Variants in BNC2 observed in about 807,000 individuals in gnomAD.
BNC2 encodes the protein zinc finger protein basonuclin-2.
In BNC2, 20 loss-of-function variants were observed where a neutral mutation model predicts 76.3. The ratio of observed to expected loss-of-function variants is 0.26; its 90% CI spans 0.18 to 0.38. BNC2 has a LOEUF of 0.38. BNC2 is among the 10% of genes least tolerant of loss of function. BNC2 has a pLI of 1.00. For synonymous variants in BNC2, 582 were observed against 514.8 expected (o/e 1.13, Z -1.77); for missense variants, 1,382 against 1,399.8 (o/e 0.99, Z 0.20).
intron 3 of BNC2, among the ~76,000 whole-genome samples, chr9:16,670,731 G>A (rs957363542): frequency 1.3e-5 from 2 of 152,160 alleles, no homozygotes; most frequent in Admixed American, 6.6e-5. Flanking sequence ...TGATGGTAAA[G>A]GTATACGTGA....
intron 2 of BNC2, among the ~76,000 whole-genome samples, chr9:16,731,856 G>C (rs986369389): frequency 9.9e-5 from 15 of 152,022 alleles, no homozygotes; most frequent in Non-Finnish European, 1.8e-4. Flanking sequence ...CCATGTTTTG[G>C]ATAGTAATTA....
At chr9:16,603,464 A>G (rs1485704471) in intron 3 of BNC2, among the ~76,000 whole-genome samples, 1 of 152,226 alleles carries the variant, frequency 6.6e-6, no homozygotes, top group African/African-American at 2.4e-5. Context: ...TCACCCTAAC[A>G]TCACACACCA....
chr9:16,801,232 A>G (rs146808810), intron 1 of BNC2, among the ~76,000 whole-genome samples: 36 of 152,110 alleles, frequency 2.4e-4, no homozygotes, highest in African/African-American at 8.4e-4. Context: ...TACTATTGAT[A>G]ATACATTCAT....
At chr9:16,637,546 G>C (rs1025367984) in intron 3 of BNC2, among the ~76,000 whole-genome samples, 2 of 152,124 alleles carry the variant, frequency 1.3e-5, no homozygotes, top group African/African-American at 4.8e-5. Flanking sequence ...AATAAACTCT[G>C]GCTTTATCAT....
At chr9:16,626,936 T>A (rs1291792497) in intron 3 of BNC2, among the ~76,000 whole-genome samples, 1 of 152,140 alleles carries the variant, frequency 6.6e-6, no homozygotes, top group Non-Finnish European at 1.5e-5. Context: ...CTGCCGCTTG[T>A]TTACCAAACA....
At chr9:16,781,103 A>G (rs951467010) in intron 1 of BNC2, among the ~76,000 whole-genome samples, 1 of 152,030 alleles carries the variant, frequency 6.6e-6, no homozygotes, top group Non-Finnish European at 1.5e-5. Flanking sequence ...AATGGGATCT[A>G]ATTGTTTCAT....
chr9:16,571,515 G>C lies in BNC2; in HGVS notation c.433+11468C>G, dbSNP rs185932499. 2.0e-5 allele frequency among the ~76,000 whole-genome samples: 3 copies of C among 152,118 alleles called. No homozygotes were observed. The East Asian group carries it at 5.8e-4, about 29-fold the overall frequency. The stretch of plus-strand genomic sequence containing the variant: ...CAGAACCACACAGCCGTTGCTTGCT[G>C]CCTGCAGTTTTTTTCCTTTGCAAAA... On this transcript the variant is annotated intron_variant, in intron 4 of 6. Transcript: ENST00000380672.
intron 5 of BNC2, among the ~76,000 whole-genome samples, chr9:16,451,011 C>G (rs1178319184): frequency 6.6e-6 from 1 of 152,184 alleles, no homozygotes; most frequent in Non-Finnish European, 1.5e-5. Flanking sequence ...ATTTAACTAT[C>G]TAGGCTATCT....
intron 1 of BNC2, among the ~76,000 whole-genome samples, chr9:16,757,533 ACTT>A (rs1407397269): frequency 6.6e-6 from 1 of 152,228 alleles, no homozygotes; most frequent in Non-Finnish European, 1.5e-5. Flanking sequence ...GTTTGGAGAT[ACTT>A]CTTAAGACCT....
intron 5 of BNC2, among the ~76,000 whole-genome samples, chr9:16,469,289 ATGT>A (rs1021647756): frequency 2.4e-4 from 36 of 152,164 alleles, no homozygotes; most frequent in African/African-American, 8.2e-4. Flanking sequence ...GAATTCCCAC[ATGT>A]TGTAGGAAGG....
intron 1 of BNC2, among the ~76,000 whole-genome samples, chr9:16,810,409 C>A (rs775112136): frequency 6.6e-6 from 1 of 152,190 alleles, no homozygotes; most frequent in Non-Finnish European, 1.5e-5. Context: ...ATACCCACAG[C>A]CTAAATAGGG....
intron 4 of BNC2, among the ~76,000 whole-genome samples, chr9:16,568,668 CTT>C (rs1310114758): frequency 6.6e-6 from 1 of 152,096 alleles, no homozygotes; most frequent in Non-Finnish European, 1.5e-5. Flanking sequence ...AAGGCAAAGA[CTT>C]AGTCTACTCT....
intron 5 of BNC2, among the ~76,000 whole-genome samples, chr9:16,453,989 C>G (rs1490126524): frequency 6.6e-6 from 1 of 152,176 alleles, no homozygotes; most frequent in Non-Finnish European, 1.5e-5. Flanking sequence ...ACACTATATA[C>G]TCCCACCACC....
intron 5 of BNC2, among the ~76,000 whole-genome samples, chr9:16,515,717 GA>G (rs748663886): frequency 3.3e-3 from 339 of 101,894 alleles, no homozygotes; most frequent in African/African-American, 9.1e-3. Flanking sequence ...GGTACAATTT[GA>G]AAAAAAAAAA....
At chr9:16,812,569 C>T (rs1186204704) in intron 1 of BNC2, among the ~76,000 whole-genome samples, 14 of 152,164 alleles carry the variant, frequency 9.2e-5, no homozygotes, top group Admixed American at 9.2e-4. Context: ...TTACTTCACA[C>T]CAGGGGGAAG....
In BNC2 at chr9:16,418,708, G is replaced by T; in HGVS notation, c.*281C>A. On this transcript the variant is annotated 3_prime_UTR_variant, in exon 7 of 7. Transcript: ENST00000380672. ...TGTGTGTGTATGTGCATGTGTGTGT[G>T]TGTGTGTTTAAAGGGGTACTCTGTT... 1 of 425,612 alleles carries T rather than the reference G, an allele frequency of 2.3e-6. No individual in the cohort carries two copies. The highest frequency in any genetic ancestry group is 5.3e-5 in the East Asian group (1 of 18,988). The allele number at this position is 425,612 out of a possible 1,614,324, so 26.4% of individuals were successfully genotyped here.
Position 16,422,362 on chromosome 9 carries a change from C to T in BNC2, c.2640-2713G>A, listed in dbSNP as rs148220465. On this transcript the variant is annotated intron_variant, in intron 6 of 6. Coordinates refer to ENST00000380672, the MANE Select transcript of BNC2 (RefSeq NM_017637.6). ...ACTTTTATTCAATTAAGTGCCATCCCTCACTTTAAAAAAAACAGCTACTTT... is the reference window on the plus strand; with the variant it reads ...ACTTTTATTCAATTAAGTGCCATCCTTCACTTTAAAAAAAACAGCTACTTT... 2.7e-3 allele frequency among the ~76,000 whole-genome samples: 413 copies of T among 152,188 alleles called. 1 individual carries two copies. Among genetic ancestry groups the T allele is most frequent in the African/African-American group, 9.2e-3 (382 of 41,518 alleles).
chr9:16,554,223 T>C (rs746098776), intron 4 of BNC2, among the ~76,000 whole-genome samples: 7 of 152,204 alleles, frequency 4.6e-5, no homozygotes, highest in Non-Finnish European at 7.3e-5. Flanking sequence ...CCAATATTAC[T>C]GCATAATCAT....
intron 1 of BNC2, among the ~76,000 whole-genome samples, chr9:16,808,766 G>C (rs1281582894): frequency 1.3e-5 from 2 of 151,608 alleles, no homozygotes; most frequent in Admixed American, 1.3e-4. Context: ...CTACAATAAA[G>C]ATCTAAAACC....
Sources: gnomAD v4.1 joint callset for allele counts (sites outside exome capture counted in the v4.1 genomes callset) on GRCh38, gnomAD v4.1.1 for gene constraint, MANE v1.5 for transcripts, NCBI Gene and HGNC (gene_info 2026-07-23, HGNC 2026-07-21) for gene names.